Variants in WASF3 observed in about 807,000 individuals in gnomAD.
The protein encoded by WASF3 is WASP family member 3.
WASF3 carries 11 observed loss-of-function variants against 46.6 expected under a neutral mutation model. That is an observed-to-expected ratio of 0.24 (90% CI 0.15 to 0.39). The LOEUF (loss-of-function observed/expected upper bound fraction) is 0.39. WASF3 is among the 10% of genes least tolerant of loss of function. WASF3 has a pLI of 1.00. For synonymous variants in WASF3, 242 were observed against 259.7 expected (o/e 0.93, Z 0.65); for missense variants, 576 against 669.8 (o/e 0.86, Z 1.55).
Position 26,674,971 on chromosome 13 carries a change from T to C in WASF3, c.541-1578T>C, listed in dbSNP as rs117521921. 1.4e-3 allele frequency among the ~76,000 whole-genome samples: 213 copies of C among 152,370 alleles called. 1 individual carries two copies. In the East Asian group the frequency reaches 0.032, roughly 23 times the overall value. On this transcript the variant is annotated intron_variant, in intron 6 of 9. Transcript: ENST00000335327. ...GCTTATTAACCATTTCTTTATCTTCTGTGAATTTCATGTTCACATCCTCTG... is the reference window on the plus strand; with the variant it reads ...GCTTATTAACCATTTCTTTATCTTCCGTGAATTTCATGTTCACATCCTCTG...
chr13:26,594,971 C>T lies in WASF3; in HGVS notation c.-108-17990C>T, dbSNP rs574675974. 2.6e-5 allele frequency among the ~76,000 whole-genome samples: 4 copies of T among 152,348 alleles called. No homozygotes were observed. The South Asian group carries it at 8.3e-4, about 32-fold the overall frequency. On this transcript the variant is annotated intron_variant, in intron 1 of 9. Transcript: ENST00000335327. ...TTTACCTACCATTTCCCAACAACAA[C>T]TTCCTTTTCTGTATAACCACCAGCA...
chr13:26,567,261 T>G (rs1013858834), intron 1 of WASF3, among the ~76,000 whole-genome samples: 57 of 152,322 alleles, frequency 3.7e-4, no homozygotes, highest in African/African-American at 1.3e-3. Flanking sequence ...GAAAGATGTA[T>G]AGAAGATAGT....
At position 26,688,786 on chromosome 13, in the gene WASF3, A is replaced by G. The variant is rs1883487285; in HGVS notation, c.*2941A>G. On this transcript the variant is annotated 3_prime_UTR_variant, in exon 10 of 10. Transcript: ENST00000335327. Reference sequence around the variant, plus strand: ...TGTTTTATAAATCATAGTATCTGTCATCTTGCAGTATTACCAATGCTGTTG... The same window carrying G: ...TGTTTTATAAATCATAGTATCTGTCGTCTTGCAGTATTACCAATGCTGTTG... 1.3e-5 allele frequency: 2 copies of G among 152,196 alleles called. No homozygotes were observed. Among genetic ancestry groups the G allele is most frequent in the Non-Finnish European group, 2.9e-5 (2 of 68,048 alleles). The allele number at this position is 152,196 out of a possible 1,614,324, so 9.4% of individuals were successfully genotyped here.
intron 1 of WASF3, among the ~76,000 whole-genome samples, chr13:26,592,449 A>G (rs551599311): frequency 2.0e-4 from 31 of 152,342 alleles, no homozygotes; most frequent in African/African-American, 7.0e-4. Flanking sequence ...TATGAAGTCC[A>G]CGAACACAGT....
chr13:26,667,497 G>A lies in WASF3; in HGVS notation c.269-20G>A, dbSNP rs1261418526. 1.3e-6 allele frequency: 2 copies of A among 1,597,480 alleles called. No homozygotes were observed. Among genetic ancestry groups the A allele is most frequent in the Non-Finnish European group, 1.7e-6 (2 of 1,172,838 alleles). On this transcript the variant is annotated intron_variant, in intron 4 of 9. Transcript: ENST00000335327. ...AAAATATTTCTATATAACTCAACTTGGGGGATTTTCTCTAAATAGTCTCAC... is the reference window on the plus strand; with the variant it reads ...AAAATATTTCTATATAACTCAACTTAGGGGATTTTCTCTAAATAGTCTCAC...
intron 5 of WASF3, among the ~76,000 whole-genome samples, chr13:26,670,946 A>G (rs1365368563): frequency 6.6e-6 from 1 of 152,112 alleles, no homozygotes; most frequent in African/African-American, 2.4e-5. Context: ...CTTCTGAACA[A>G]TTAAATTAGC....
At chr13:26,615,179 G>A (rs1429862638) in intron 2 of WASF3, among the ~76,000 whole-genome samples, 1 of 152,010 alleles carries the variant, frequency 6.6e-6, no homozygotes, top group African/African-American at 2.4e-5. Flanking sequence ...CCTGTGTGTG[G>A]CTAACAGTCG....
rs566137609 is a variant in WASF3, at chr13:26,642,899, T to G, written c.133+496T>G. Among the ~76,000 whole-genome samples, 3 of 152,310 alleles carry G rather than the reference T, an allele frequency of 2.0e-5. No homozygotes were observed. The South Asian group carries it at 6.2e-4, about 32-fold the overall frequency. On this transcript the variant is annotated intron_variant, in intron 3 of 9. Coordinates refer to ENST00000335327, the MANE Select transcript of WASF3 (RefSeq NM_006646.6). ...TAAAGCCAAACAATAGATTTGCTGA[T>G]TTTAACCTACTAAAAGTTAAAATGC...
intron 1 of WASF3, among the ~76,000 whole-genome samples, chr13:26,581,782 G>A (rs1344584476): frequency 6.6e-6 from 1 of 152,162 alleles, no homozygotes; most frequent in Non-Finnish European, 1.5e-5. Flanking sequence ...GCTTTGATAT[G>A]ATCAGAATAG....
chr13:26,622,602 C>G (rs918065905), intron 2 of WASF3: 1 of 152,086 alleles, frequency 6.6e-6, no homozygotes, highest in Non-Finnish European at 1.5e-5. Context: ...CTCATATGTT[C>G]ACTCATTGAG....
At chr13:26,572,796 G>A (rs1032903321) in intron 1 of WASF3, among the ~76,000 whole-genome samples, 3 of 152,204 alleles carry the variant, frequency 2.0e-5, no homozygotes, top group South Asian at 2.1e-4. Flanking sequence ...CAAGTGATCC[G>A]CCTGCCTCAG....
intron 1 of WASF3, among the ~76,000 whole-genome samples, chr13:26,571,629 C>A (rs1000410434): frequency 6.6e-6 from 1 of 152,156 alleles, no homozygotes; most frequent in African/African-American, 2.4e-5. Context: ...CAATTTTAAT[C>A]ATGAGGCTTT....
chr13:26,681,363 A>G, intron 8 of WASF3, 43 bp downstream of exon 8: 1 of 1,505,976 alleles, frequency 6.6e-7, no homozygotes, highest in Non-Finnish European at 8.9e-7. Flanking sequence ...CTGGCCTTGC[A>G]TTTGAATCTT....
the WASF3 span, among the ~76,000 whole-genome samples, chr13:26,543,955 T>TA: frequency 6.6e-6 from 1 of 152,134 alleles, no homozygotes. Context: ...GCTCGTTCCT[T>TA]AAAAAAATCC....
At chr13:26,680,315 G>A (rs374645001) in intron 7 of WASF3, 87 of 1,259,478 alleles carry the variant, frequency 6.9e-5, no homozygotes, top group Non-Finnish European at 8.6e-5. Context: ...AGCCAGGAGC[G>A]TGTGACTGTC....
chr13:26,578,993 C>CTTTTTTTTTCTTTTTTTTTTTTT (rs1879887976), intron 1 of WASF3, among the ~76,000 whole-genome samples: 1 of 60,638 alleles, frequency 1.6e-5, no homozygotes, highest in Non-Finnish European at 2.8e-5. Flanking sequence ...GATACATTTC[C>CTTTTTTTTTCTTTTTTTTTTTTT]TTTTTTTTTT....
At chr13:26,593,414 C>A (rs1880363636) in intron 1 of WASF3, among the ~76,000 whole-genome samples, 1 of 152,072 alleles carries the variant, frequency 6.6e-6, no homozygotes, top group Admixed American at 6.5e-5. Context: ...TATAATTTCA[C>A]CTTTATTTTT....
At chr13:26,643,365 T>G (rs1190199940) in intron 3 of WASF3, among the ~76,000 whole-genome samples, 1 of 152,142 alleles carries the variant, frequency 6.6e-6, no homozygotes, top group African/African-American at 2.4e-5. Flanking sequence ...CAACTACTTT[T>G]ATTTATCTTG....
At chr13:26,569,686 G>A (rs1007268220) in intron 1 of WASF3, among the ~76,000 whole-genome samples, 2 of 152,010 alleles carry the variant, frequency 1.3e-5, no homozygotes, top group Admixed American at 6.5e-5. Context: ...TAAACCCAGA[G>A]GAAGTAGATA....
Sources: allele counts gnomAD v4.1 joint callset (sites outside exome capture counted in the v4.1 genomes callset), GRCh38; gene constraint gnomAD v4.1.1; transcripts MANE v1.5; gene names NCBI Gene and HGNC (gene_info 2026-07-23, HGNC 2026-07-21).